The following ARHGAP39 variants were observed in gnomAD, a reference collection of about 807,000 sequenced individuals.
ARHGAP39 encodes Rho GTPase activating protein 39.
ARHGAP39 carries 44 observed loss-of-function variants against 106.9 expected under a neutral mutation model. The ratio of observed to expected loss-of-function variants is 0.41; its 90% CI spans 0.32 to 0.53. The LOEUF (loss-of-function observed/expected upper bound fraction) is 0.53. Ranked by LOEUF, ARHGAP39 falls within the 20% of genes least tolerant of loss-of-function variation. The pLI is 0.21. For missense variants in ARHGAP39, 1,496 were observed against 1,577.3 expected, an observed-to-expected ratio of 0.95 and a Z score of 0.87; for synonymous variants, 768 against 693.2, an observed-to-expected ratio of 1.11 and a Z score of -1.69.
chr8:144,618,949 T>C (rs1017338289), intron 1 of ARHGAP39, among the ~76,000 whole-genome samples: 2 of 152,198 alleles, frequency 1.3e-5, no homozygotes, highest in Admixed American at 6.5e-5. Flanking sequence ...GTGTGCTCCG[T>C]CCTCATCCTC....
intron 6 of ARHGAP39, 35 bp downstream of exon 6, chr8:144,545,214 C>T: frequency 6.8e-7 from 1 of 1,481,298 alleles, no homozygotes. Context: ...ACTGCCCTTA[C>T]CTGAGCTGGT....
At chr8:144,576,548 C>T (rs908248113) in intron 3 of ARHGAP39, among the ~76,000 whole-genome samples, 6 of 152,158 alleles carry the variant, frequency 3.9e-5, no homozygotes, top group Admixed American at 6.5e-5. Flanking sequence ...AGAACAGCCC[C>T]GCAAGTGTGG....
intron 1 of ARHGAP39, among the ~76,000 whole-genome samples, chr8:144,622,737 G>A (rs1341821194): frequency 1.3e-5 from 2 of 152,224 alleles, no homozygotes; most frequent in Admixed American, 6.5e-5. Flanking sequence ...TGGCAAGAAC[G>A]TTCAGAACCT....
In ARHGAP39 at chr8:144,644,079, C is replaced by T. The variant is rs1205811161; in HGVS notation, c.-81-38384G>A. 6.6e-6 allele frequency among the ~76,000 whole-genome samples: 1 copy of T among 152,158 alleles called. No homozygotes were observed. The highest frequency in any genetic ancestry group is 2.4e-5 in the African/African-American group (1 of 41,430). ...CACTCCCAGGAATCTAGTCGGGAGA[C>T]ATGAAGTCACAAATGCACAGTGAGA... is the stretch of plus-strand genomic sequence containing the variant. On this transcript the variant is annotated intron_variant, in intron 1 of 11. Transcript: ENST00000377307. The surrounding 1 kb of genome is among the most constrained non-coding windows in gnomAD (Gnocchi z 4.8).
At chr8:144,628,874 G>C (rs1204156630) in intron 1 of ARHGAP39, among the ~76,000 whole-genome samples, 1 of 152,228 alleles carries the variant, frequency 6.6e-6, no homozygotes, top group Non-Finnish European at 1.5e-5. Context: ...TGCGATTCTT[G>C]TGATGGCAGG....
intron 1 of ARHGAP39, among the ~76,000 whole-genome samples, chr8:144,632,233 A>G (rs1021447835): frequency 3.3e-5 from 5 of 152,360 alleles, no homozygotes; most frequent in South Asian, 2.1e-4. Flanking sequence ...AGTGACTGCT[A>G]TAAGTTCACA....
chr8:144,530,648 G>A, intron 11 of ARHGAP39, 32 bp from the exon 12 acceptor site: 1 of 1,532,644 alleles, frequency 6.5e-7, no homozygotes, highest in East Asian at 2.5e-5. Context: ...GCGCGGAGGG[G>A]CGGGGGCGGG....
intron 9 of ARHGAP39, among the ~76,000 whole-genome samples, chr8:144,532,811 G>A (rs1330949055): frequency 6.6e-6 from 1 of 152,198 alleles, no homozygotes; most frequent in Non-Finnish European, 1.5e-5. Flanking sequence ...AGGGCTGCCT[G>A]TCATCTGAGG....
At chr8:144,559,740 C>T (rs373671833) in intron 3 of ARHGAP39, among the ~76,000 whole-genome samples, 2 of 152,144 alleles carry the variant, frequency 1.3e-5, no homozygotes, top group East Asian at 1.9e-4. Context: ...TCTACATATA[C>T]ATATACATAA....
chr8:144,562,072 T>G (rs576368145), intron 3 of ARHGAP39, among the ~76,000 whole-genome samples: 5 of 147,566 alleles, frequency 3.4e-5, no homozygotes, highest in Admixed American at 2.7e-4. Context: ...TCGGACTTAC[T>G]CCAGTGGTTT....
intron 2 of ARHGAP39, among the ~76,000 whole-genome samples, chr8:144,581,986 G>A (rs944831728): frequency 1.3e-5 from 2 of 151,640 alleles, no homozygotes; most frequent in African/African-American, 2.4e-5. Flanking sequence ...CCATGCATCC[G>A]TCTCTTAACC....
the ARHGAP39 span, among the ~76,000 whole-genome samples, chr8:144,693,961 T>A: frequency 3.3e-5 from 5 of 151,860 alleles, no homozygotes; most frequent in Non-Finnish European, 7.4e-5. Flanking sequence ...GAGGTCTTTG[T>A]AGACAACAGA....
Position 144,641,711 on chromosome 8 carries a change from G to A in ARHGAP39, c.-81-36016C>T, listed in dbSNP as rs1391403665. ...GGAGGGGAGCTCGGGAAGAAGAAAC[G>A]CAGACCCAGGATGCACCCAAGCTCC... On this transcript the variant is annotated intron_variant, in intron 1 of 11. Coordinates refer to ENST00000377307, the MANE Select transcript of ARHGAP39 (RefSeq NM_025251.3). This position sits in a 1 kb window ranked among gnomAD's most constrained non-coding sequence, Gnocchi z 5.2. 6.6e-6 allele frequency among the ~76,000 whole-genome samples: 1 copy of A among 152,226 alleles called. No homozygotes were observed. The highest frequency in any genetic ancestry group is 1.5e-5 in the Non-Finnish European group (1 of 68,036).
At chr8:144,574,436 C>T (rs757454102) in intron 3 of ARHGAP39, among the ~76,000 whole-genome samples, 1 of 151,804 alleles carries the variant, frequency 6.6e-6, no homozygotes, top group Non-Finnish European at 1.5e-5. Flanking sequence ...TTTGGGAGGC[C>T]GAGGCGGGCA....
intron 3 of ARHGAP39, among the ~76,000 whole-genome samples, 174 bp downstream of exon 3, chr8:144,580,672 T>C (rs1345512049): frequency 1.0e-5 from 1 of 98,884 alleles, no homozygotes; most frequent in African/African-American, 4.1e-5. Context: ...GCCCCGCCCA[T>C]TCCACTCACC....
intron 1 of ARHGAP39, among the ~76,000 whole-genome samples, chr8:144,653,589 AC>A (rs1821626048): frequency 6.6e-6 from 1 of 152,106 alleles, no homozygotes; most frequent in Non-Finnish European, 1.5e-5. Flanking sequence ...CCCATGCCTC[AC>A]CCTCTCGGTC....
chr8:144,692,285 T>G, the ARHGAP39 span, among the ~76,000 whole-genome samples: 1 of 149,906 alleles, frequency 6.7e-6, no homozygotes, highest in African/African-American at 2.4e-5. Flanking sequence ...GCCCCAGCTC[T>G]GTGGGGTCTC....
intron 7 of ARHGAP39, among the ~76,000 whole-genome samples, chr8:144,535,366 T>C (rs1316120182): frequency 6.6e-6 from 1 of 152,330 alleles, no homozygotes; most frequent in East Asian, 1.9e-4. Context: ...AAATCTGTCA[T>C]GGTCCTTGGG....
In ARHGAP39 at chr8:144,530,269, A is replaced by T. The variant is rs1466695984; in HGVS notation, c.*153T>A. ...TGGCTGCACCCTCAGACCAGGCAGAAGACGTGGGGAGCGCCGGGGCCAGGG... is the reference window on the plus strand; with the variant it reads ...TGGCTGCACCCTCAGACCAGGCAGATGACGTGGGGAGCGCCGGGGCCAGGG... On this transcript the variant is annotated 3_prime_UTR_variant, in exon 12 of 12. Coordinates refer to ENST00000377307, the MANE Select transcript of ARHGAP39 (RefSeq NM_025251.3). 3 of 824,862 alleles carry T rather than the reference A, an allele frequency of 3.6e-6. No individual in the cohort carries two copies. The African/African-American group carries it at 5.2e-5, about 14-fold the overall frequency. The allele number at this position is 824,862 out of a possible 1,614,324, so 51.1% of individuals were successfully genotyped here.
Sources: allele counts gnomAD v4.1 joint callset (sites outside exome capture counted in the v4.1 genomes callset), GRCh38; gene constraint gnomAD v4.1.1; non-coding constraint Gnocchi (gnomAD v3.1); transcripts MANE v1.5; gene names NCBI Gene and HGNC (gene_info 2026-07-23, HGNC 2026-07-21).